Variants in COPB1 observed in about 807,000 individuals in gnomAD.
COPB1 encodes coat protein complex I subunit beta 1, also known as coatomer subunit beta.
In COPB1, 21 loss-of-function variants were observed where a neutral mutation model predicts 108.7. The observed-to-expected ratio is 0.19, with a 90% CI of 0.14 to 0.28. The LOEUF is 0.28. Ranked by LOEUF, COPB1 falls within the 10% of genes least tolerant of loss-of-function variation. The probability of loss-of-function intolerance (pLI) is 1.00; values close to 1 mark genes in which losing one functional copy is unlikely to be tolerated. For missense variants in COPB1, 919 were observed against 1,141.3 expected, an observed-to-expected ratio of 0.81 and a Z score of 2.81; for synonymous variants, 378 against 386.8, an observed-to-expected ratio of 0.98 and a Z score of 0.27.
chr11:14,462,185 TATA>T (rs1453848302), intron 18 of COPB1, among the ~76,000 whole-genome samples: 1 of 151,822 alleles, frequency 6.6e-6, no homozygotes, highest in East Asian at 1.9e-4. Flanking sequence ...AGTAGAGAGT[TATA>T]ATCTGATTGG....
chr11:14,479,407 T>C (rs1040328433), intron 11 of COPB1, among the ~76,000 whole-genome samples, 162 bp downstream of exon 11: 1 of 152,240 alleles, frequency 6.6e-6, no homozygotes, highest in African/African-American at 2.4e-5. Flanking sequence ...CCATTTATTA[T>C]AGACTAAATG....
At chr11:14,498,443 C>G (rs866275309) in intron 2 of COPB1, among the ~76,000 whole-genome samples, 47 of 152,226 alleles carry the variant, frequency 3.1e-4, no homozygotes, top group African/African-American at 1.1e-3. Flanking sequence ...GGTGGGTAAT[C>G]CAAAGAACAA....
Position 14,490,638 on chromosome 11 carries a change from T to C in COPB1, c.533A>G (p.His178Arg), listed in dbSNP as rs566920298. Residue 178 changes from histidine to arginine, a missense_variant, in exon 5 of 22, where the codon CAT becomes CGT. Transcript: ENST00000439561. Reference sequence around the variant, plus strand: ...ATCCTTCTCATTCACCAGAAAATCATGTATCAGTTCAGGAGCATCAGGTAT... The same window carrying C: ...ATCCTTCTCATTCACCAGAAAATCACGTATCAGTTCAGGAGCATCAGGTAT... ...HLIPDAPELI[H>R]DFLVNEKDAS... 6.8e-6 allele frequency: 11 copies of C among 1,613,038 alleles called. No homozygotes were observed. The highest frequency in any genetic ancestry group is 2.2e-5 in the South Asian group (2 of 90,970).
At chr11:14,492,153 A>T (rs1355694910) in intron 4 of COPB1, among the ~76,000 whole-genome samples, 1 of 152,182 alleles carries the variant, frequency 6.6e-6, no homozygotes, top group Non-Finnish European at 1.5e-5. Context: ...TTTACTTGCA[A>T]AACTAATTAT....
At chr11:14,478,269 A>G (rs2134111291) in intron 11 of COPB1, among the ~76,000 whole-genome samples, 1 of 151,746 alleles carries the variant, frequency 6.6e-6, no homozygotes, top group African/African-American at 2.4e-5. Flanking sequence ...ATCTCTTACT[A>G]CTCTAAGAAA....
At chr11:14,463,252 C>T (rs1489918000) in intron 18 of COPB1, among the ~76,000 whole-genome samples, 1 of 152,160 alleles carries the variant, frequency 6.6e-6, no homozygotes, top group Non-Finnish European at 1.5e-5. Context: ...AGTCTGTATG[C>T]CCTCTCTGGG....
At chr11:14,486,967 TA>T (rs1282906102) in intron 6 of COPB1, among the ~76,000 whole-genome samples, 1 of 152,230 alleles carries the variant, frequency 6.6e-6, no homozygotes, top group East Asian at 1.9e-4. Context: ...AATTTGGTCC[TA>T]AATGTTTATT....
At chr11:14,462,595 G>A (rs1446851214) in intron 18 of COPB1, among the ~76,000 whole-genome samples, 1 of 152,048 alleles carries the variant, frequency 6.6e-6, no homozygotes, top group African/African-American at 2.4e-5. Flanking sequence ...AGGCTACCAA[G>A]AATAAGCTCC....
intron 5 of COPB1, among the ~76,000 whole-genome samples, chr11:14,490,342 T>C (rs866948421): frequency 1.3e-5 from 2 of 152,308 alleles, no homozygotes; most frequent in Middle Eastern, 6.8e-3. Context: ...TGCTCTAAAA[T>C]GCCTCTTCAA....
chr11:14,489,375 G>A (rs551418703), intron 5 of COPB1, among the ~76,000 whole-genome samples: 5 of 152,296 alleles, frequency 3.3e-5, no homozygotes, highest in Admixed American at 1.3e-4. Flanking sequence ...ACTTCTGGGT[G>A]TATACCCAAA....
chr11:14,481,358 G>C (rs1373945048), intron 8 of COPB1, among the ~76,000 whole-genome samples: 3 of 152,170 alleles, frequency 2.0e-5, no homozygotes, highest in Admixed American at 6.5e-5. Flanking sequence ...ACAGTTTATA[G>C]AAAGTAACAG....
At chr11:14,481,566 G>C (rs1235233167) in intron 8 of COPB1, among the ~76,000 whole-genome samples, 1 of 152,140 alleles carries the variant, frequency 6.6e-6, no homozygotes, top group Non-Finnish European at 1.5e-5. Flanking sequence ...TAAACAAAAA[G>C]GGCTTTTGGG....
chr11:14,459,058 A>T (rs992582655), intron 20 of COPB1, among the ~76,000 whole-genome samples: 70 of 152,226 alleles, frequency 4.6e-4, no homozygotes, highest in African/African-American at 1.7e-3. Context: ...GTGAGCCACC[A>T]CGCCCAGCCC....
intron 2 of COPB1, 81 bp downstream of exon 2, chr11:14,498,757 T>C: frequency 9.0e-7 from 1 of 1,116,596 alleles, no homozygotes; most frequent in Non-Finnish European, 1.3e-6. Context: ...CATTTCTAAT[T>C]ATAAAGGAAT....
chr11:14,487,153 G>A (rs1010214067), intron 6 of COPB1, among the ~76,000 whole-genome samples: 3 of 152,166 alleles, frequency 2.0e-5, no homozygotes, highest in Non-Finnish European at 2.9e-5. Flanking sequence ...CATTCTAAAT[G>A]TATCCTGATA....
chr11:14,488,522 C>T lies in COPB1; in HGVS notation c.669G>A (p.Leu223=). 6.2e-7 allele frequency: 1 copy of T among 1,607,828 alleles called. No individual in the cohort carries two copies. Among genetic ancestry groups the T allele is most frequent in the South Asian group, 1.1e-5 (1 of 90,102 alleles). Residue 223 remains leucine (L), a synonymous_variant, in exon 6 of 22, where the codon CTG becomes CTA. Transcript: ENST00000439561. ...IDQVQTFGDI[L]QLVIVELIYK... is the part of the protein sequence containing the mutation. ...AAATCAGTTCAACAATAACCAGCTG[C>T]AGAATGTCTCCAAATGTTTGAACTT...
intron 11 of COPB1, among the ~76,000 whole-genome samples, chr11:14,477,380 A>C (rs1369686663): frequency 7.7e-6 from 1 of 129,554 alleles, no homozygotes; most frequent in African/African-American, 2.9e-5. Flanking sequence ...ACAGAGCGAG[A>C]CTCCGTCTCA....
intron 8 of COPB1, among the ~76,000 whole-genome samples, chr11:14,482,677 G>T (rs1216469749): frequency 6.6e-6 from 1 of 152,080 alleles, no homozygotes; most frequent in Non-Finnish European, 1.5e-5. Flanking sequence ...TGGGATTACA[G>T]GCGCACTTCA....
At position 14,480,277 on chromosome 11, in the gene COPB1, C is replaced by T. The variant is rs145136981; in HGVS notation, c.1212+482G>A. On this transcript the variant is annotated intron_variant, in intron 10 of 21. Transcript: ENST00000439561. Reference sequence around the variant, plus strand: ...AAAACTCCAAATAAATAAATGAATTCGATCCTCCTAAATTGTAACTAAAAT... The same window carrying T: ...AAAACTCCAAATAAATAAATGAATTTGATCCTCCTAAATTGTAACTAAAAT... Among the ~76,000 whole-genome samples, 471 of 152,214 alleles carry T rather than the reference C, an allele frequency of 3.1e-3. 2 individuals are homozygous for T. Among genetic ancestry groups the T allele is most frequent in the Non-Finnish European group, 5.3e-3 (363 of 68,012 alleles).
Sources: gnomAD v4.1 joint callset for allele counts (sites outside exome capture counted in the v4.1 genomes callset) on GRCh38, gnomAD v4.1.1 for gene constraint, MANE v1.5 for transcripts, NCBI Gene and HGNC (gene_info 2026-07-23, HGNC 2026-07-21) for gene names.